KCNIP1: variants seen among roughly 807,000 people sequenced by gnomAD.
KCNIP1 encodes the protein potassium voltage-gated channel interacting protein 1, also known as A-type potassium channel modulatory protein KCNIP1.
KCNIP1 carries 18 observed loss-of-function variants against 33.0 expected under a neutral mutation model. The observed-to-expected ratio is 0.55, with a 90% CI of 0.38 to 0.81. The LOEUF is 0.81. Among genes scored for constraint, KCNIP1 ranks in the 30% least tolerant of loss-of-function variants. The pLI, the probability that KCNIP1 is intolerant of heterozygous loss-of-function variation, is 0.00. For missense variants in KCNIP1, 238 were observed against 271.6 expected (o/e 0.88, Z 0.87); for synonymous variants, 93 against 98.3 (o/e 0.95, Z 0.32).
intron 1 of KCNIP1, among the ~76,000 whole-genome samples, chr5:170,665,718 GTCTCCTTAGAC>G (rs34341725): frequency 0.12 from 17,692 of 152,162 alleles, 1,192 homozygotes; most frequent in African/African-American, 0.18. Flanking sequence ...TCGTAGGCAT[GTCTCCTTAGAC>G]TCTTCTTGGC....
At chr5:170,598,844 A>G (rs1298003225) in intron 1 of KCNIP1, among the ~76,000 whole-genome samples, 1 of 151,988 alleles carries the variant, frequency 6.6e-6, no homozygotes, top group Non-Finnish European at 1.5e-5. Flanking sequence ...TACTGAATGC[A>G]AACAGGCCCT....
intron 1 of KCNIP1, among the ~76,000 whole-genome samples, chr5:170,625,205 G>A (rs550633333): frequency 6.6e-6 from 1 of 152,272 alleles, no homozygotes; most frequent in Admixed American, 6.5e-5. Flanking sequence ...CGTGGCCGCA[G>A]GAAAGTCACA....
chr5:170,363,774 A>T (rs1763581278), intron 1 of KCNIP1, among the ~76,000 whole-genome samples: 1 of 152,130 alleles, frequency 6.6e-6, no homozygotes, highest in Admixed American at 6.5e-5. Flanking sequence ...AAGTACATTC[A>T]CATGTTGTGC....
At chr5:170,613,095 C>T (rs948952612) in intron 1 of KCNIP1, among the ~76,000 whole-genome samples, 4 of 152,230 alleles carry the variant, frequency 2.6e-5, no homozygotes, top group Non-Finnish European at 5.9e-5. Context: ...TCCCTTTGTT[C>T]CCAATGCCCT....
At chr5:170,631,340 G>A (rs537719397) in intron 1 of KCNIP1, among the ~76,000 whole-genome samples, 7 of 152,284 alleles carry the variant, frequency 4.6e-5, no homozygotes, top group Non-Finnish European at 8.8e-5. Flanking sequence ...CATAGTAGGT[G>A]CTCAGGAAAG....
At chr5:170,380,708 G>C (rs1349175608) in intron 1 of KCNIP1, among the ~76,000 whole-genome samples, 1 of 152,218 alleles carries the variant, frequency 6.6e-6, no homozygotes, top group Non-Finnish European at 1.5e-5. Context: ...AGCATCCTGA[G>C]CTGACGGTGA....
chr5:170,715,061 C>T (rs1763599759), intron 1 of KCNIP1, among the ~76,000 whole-genome samples: 1 of 152,150 alleles, frequency 6.6e-6, no homozygotes, highest in Non-Finnish European at 1.5e-5. Context: ...AATAGTTGTA[C>T]CATTTTTTAT....
intron 1 of KCNIP1, chr5:170,639,585 A>C (rs900734356): frequency 6.6e-6 from 1 of 152,160 alleles, no homozygotes; most frequent in African/African-American, 2.4e-5. Context: ...CAGATTCATA[A>C]GGTTGTTCCT....
At chr5:170,606,233 T>A (rs1157333022) in intron 1 of KCNIP1, among the ~76,000 whole-genome samples, 4 of 152,242 alleles carry the variant, frequency 2.6e-5, no homozygotes, top group Non-Finnish European at 5.9e-5. Flanking sequence ...ATTTGAACAC[T>A]TGTCTCTAAT....
intron 1 of KCNIP1, among the ~76,000 whole-genome samples, chr5:170,715,543 C>A (rs1043123971): frequency 6.6e-6 from 1 of 152,134 alleles, no homozygotes; most frequent in Non-Finnish European, 1.5e-5. Context: ...TCTCTCTTTG[C>A]CCCTAGTGAT....
intron 1 of KCNIP1, among the ~76,000 whole-genome samples, chr5:170,398,487 A>C (rs1471751420): frequency 2.0e-5 from 3 of 152,214 alleles, no homozygotes; most frequent in Admixed American, 6.5e-5. Context: ...TTAAATTTGG[A>C]AATATGTGTC....
At chr5:170,699,511 G>A (rs1763015709) in intron 1 of KCNIP1, among the ~76,000 whole-genome samples, 1 of 146,426 alleles carries the variant, frequency 6.8e-6, no homozygotes, top group African/African-American at 2.5e-5. Flanking sequence ...CTGTTTCCTA[G>A]TGCAGGGTCA....
At chr5:170,375,193 C>T (rs1763956087) in intron 1 of KCNIP1, 2 of 152,218 alleles carry the variant, frequency 1.3e-5, no homozygotes, top group South Asian at 2.1e-4. Flanking sequence ...GCCCCCTCTA[C>T]CTAATGTCCC....
chr5:170,645,294 G>A (rs2113708492), intron 1 of KCNIP1, among the ~76,000 whole-genome samples: 1 of 152,268 alleles, frequency 6.6e-6, no homozygotes, highest in South Asian at 2.1e-4. Flanking sequence ...TAAAAACCAT[G>A]CTAACAAGAA....
rs779609913 is a variant in KCNIP1 at position 170,504,681 on chromosome 5, TA to T, written c.61+49del. On this transcript the variant is annotated intron_variant, in intron 1 of 7. Transcript: ENST00000328939. This position sits in a 1 kb window ranked among gnomAD's most constrained non-coding sequence, Gnocchi z 6.0. ...TTCCCCTGTCTGGGCTTGGGGGTGC[TA>T]GGCGCCGAGGTGGGCTGTGCCACCT... The T allele has an allele frequency of 2.4e-5, 37 of 1,541,946 alleles. No individual in the cohort carries two copies. Among genetic ancestry groups the T allele is most frequent in the Admixed American group, 2.0e-4 (12 of 59,874 alleles).
intron 1 of KCNIP1, among the ~76,000 whole-genome samples, chr5:170,488,896 G>A (rs1356187173): frequency 6.6e-6 from 1 of 152,326 alleles, no homozygotes; most frequent in East Asian, 1.9e-4. Flanking sequence ...GCCTGGAGAG[G>A]ACTTTTTAAG....
In KCNIP1 at chr5:170,597,784, AATATAT is replaced by A. The variant is rs10525595; in HGVS notation, c.61+93192_61+93197del. 1.7e-3 allele frequency among the ~76,000 whole-genome samples: 232 copies of A among 134,406 alleles called. 1 individual carries two copies. The highest frequency in any genetic ancestry group is 6.4e-3 in the African/African-American group (208 of 32,584). The allele number at this position is 134,406 out of a possible 152,430, so 88.2% of individuals were successfully genotyped here. On this transcript the variant is annotated intron_variant, in intron 1 of 7. Transcript: ENST00000328939. Reference sequence around the variant, plus strand: ...ACTTCTGATGCTGGAGAGAGAGATAAATATATATATATATATATATATATATATATA... The same window carrying A: ...ACTTCTGATGCTGGAGAGAGAGATAAATATATATATATATATATATATATA...
chr5:170,530,954 T>A (rs977668082), intron 1 of KCNIP1, among the ~76,000 whole-genome samples: 12 of 152,202 alleles, frequency 7.9e-5, no homozygotes, highest in Non-Finnish European at 1.5e-5. Flanking sequence ...TTGTTCTAGC[T>A]GGGGTGGCCT....
intron 1 of KCNIP1, among the ~76,000 whole-genome samples, chr5:170,403,093 T>C (rs1025926889): frequency 9.2e-5 from 14 of 152,202 alleles, no homozygotes; most frequent in African/African-American, 3.4e-4. Context: ...TCCCAAATTG[T>C]ACTTTGGCTC....
Sources: allele counts gnomAD v4.1 joint callset (sites outside exome capture counted in the v4.1 genomes callset), GRCh38; gene constraint gnomAD v4.1.1; non-coding constraint Gnocchi (gnomAD v3.1); transcripts MANE v1.5; gene names NCBI Gene and HGNC (gene_info 2026-07-23, HGNC 2026-07-21).